PDE4B: variants seen among roughly 807,000 people sequenced by gnomAD.
PDE4B encodes 3',5'-cyclic-AMP phosphodiesterase 4B.
Under a neutral mutation model 82.2 loss-of-function variants are expected in PDE4B, and 20 were observed. That is an observed-to-expected ratio of 0.24 (90% CI 0.17 to 0.35). The LOEUF is 0.35. Ranked by LOEUF, PDE4B falls within the 10% of genes least tolerant of loss-of-function variation. The pLI, the probability that PDE4B is intolerant of heterozygous loss-of-function variation, is 1.00. For missense variants in PDE4B, 655 were observed against 907.2 expected, an observed-to-expected ratio of 0.72 and a Z score of 3.57; for synonymous variants, 320 against 318.9, an observed-to-expected ratio of 1.00 and a Z score of -0.04.
At chr1:66,305,796 TTAAG>T (rs1401108955) in intron 7 of PDE4B, among the ~76,000 whole-genome samples, 1 of 152,174 alleles carries the variant, frequency 6.6e-6, no homozygotes, top group Non-Finnish European at 1.5e-5. Flanking sequence ...AAGTTCAATA[TTAAG>T]TAATTAATTT....
In PDE4B at chr1:66,326,940, C is replaced by G. The variant is rs150186766; in HGVS notation, c.635-5568C>G. Among the ~76,000 whole-genome samples, 184 of 152,244 alleles carry G rather than the reference C, an allele frequency of 1.2e-3. 1 individual carries two copies. In the East Asian group the frequency reaches 0.029, roughly 24 times the overall value. On this transcript the variant is annotated intron_variant, in intron 7 of 16. Transcript: ENST00000341517. ...ATAAAGGGCCCCTGTGCCTACTTTT[C>G]CAAGAGATCAGTGTAGTCATAAGAT...
intron 3 of PDE4B, among the ~76,000 whole-genome samples, chr1:66,243,959 A>C (rs1474221398): frequency 6.6e-6 from 1 of 152,234 alleles, no homozygotes; most frequent in East Asian, 1.9e-4. Flanking sequence ...GGCAGGTATA[A>C]GTCACAATCA....
intron 3 of PDE4B, among the ~76,000 whole-genome samples, chr1:66,048,538 C>T (rs894459421): frequency 6.6e-6 from 1 of 151,930 alleles, no homozygotes; most frequent in African/African-American, 2.4e-5. Context: ...ACATGATTTA[C>T]ACTACAAAGA....
rs192699191 is a variant in PDE4B at position 65,934,127 on chromosome 1, A to C, written c.281+15292A>C. 2.6e-4 allele frequency among the ~76,000 whole-genome samples: 39 copies of C among 152,274 alleles called. No homozygotes were observed. In the East Asian group the frequency reaches 6.6e-3, roughly 26 times the overall value. On this transcript the variant is annotated intron_variant, in intron 3 of 16. Transcript: ENST00000341517. ...ATACCTATAGAAGATACAAAAAAGGAAAAGAGAAAGAAATCAAAGTATATC... is the reference window on the plus strand; with the variant it reads ...ATACCTATAGAAGATACAAAAAAGGCAAAGAGAAAGAAATCAAAGTATATC...
chr1:66,273,699 A>G (rs761237665), intron 7 of PDE4B, among the ~76,000 whole-genome samples: 2 of 152,232 alleles, frequency 1.3e-5, no homozygotes, highest in African/African-American at 4.8e-5. Context: ...TATATCCTCA[A>G]TTTATAACAT....
chr1:66,187,547 C>T lies in PDE4B; in HGVS notation c.282-59913C>T, dbSNP rs551759318. ...GTCTATTCAAAGATTTAACTTCTTC[C>T]TGGTTTAGTCTTGGGAGGGCATATG... On this transcript the variant is annotated intron_variant, in intron 3 of 16. Transcript: ENST00000341517. Among the ~76,000 whole-genome samples the T allele has an allele frequency of 9.8e-5, 15 of 152,322 alleles. No homozygotes were observed. In the South Asian group the frequency reaches 2.9e-3, roughly 29 times the overall value.
intron 3 of PDE4B, among the ~76,000 whole-genome samples, chr1:65,954,271 A>C (rs1033982257): frequency 3.9e-5 from 6 of 152,116 alleles, no homozygotes; most frequent in African/African-American, 1.2e-4. Flanking sequence ...TATATGGTTC[A>C]GAGAACTTGT....
intron 3 of PDE4B, among the ~76,000 whole-genome samples, chr1:65,941,582 A>G (rs1014686352): frequency 4.6e-5 from 7 of 152,038 alleles, no homozygotes; most frequent in African/African-American, 1.7e-4. Context: ...TGGGGGAGGC[A>G]GACAGTGACC....
At chr1:66,244,108 A>G (rs1344448302) in intron 3 of PDE4B, among the ~76,000 whole-genome samples, 1 of 152,240 alleles carries the variant, frequency 6.6e-6, no homozygotes, top group Admixed American at 6.5e-5. Context: ...TGAAGAGTGA[A>G]AGTAGAGAAA....
chr1:65,921,339 A>C (rs1289712480), intron 3 of PDE4B, among the ~76,000 whole-genome samples: 2 of 152,132 alleles, frequency 1.3e-5, no homozygotes, highest in Admixed American at 6.5e-5. Flanking sequence ...GACTGGTGGA[A>C]TTATTGGTGA....
At chr1:66,105,385 C>G (rs1454654461) in intron 3 of PDE4B, among the ~76,000 whole-genome samples, 3 of 151,902 alleles carry the variant, frequency 2.0e-5, no homozygotes, top group Non-Finnish European at 4.4e-5. Flanking sequence ...ATGCCTCCAG[C>G]TTTGTTCTTT....
intron 3 of PDE4B, among the ~76,000 whole-genome samples, chr1:66,053,838 G>A (rs1163803406): frequency 6.6e-6 from 1 of 152,088 alleles, no homozygotes; most frequent in Non-Finnish European, 1.5e-5. Flanking sequence ...CAGCCTGGGT[G>A]ACAAGAAAGA....
At chr1:65,798,104 G>A (rs1463388605) in intron 1 of PDE4B, among the ~76,000 whole-genome samples, 1 of 151,984 alleles carries the variant, frequency 6.6e-6, no homozygotes, top group African/African-American at 2.4e-5. Context: ...TCCAACCTCT[G>A]CCTCTCGGGT....
At chr1:66,223,530 C>A (rs1180368840) in intron 3 of PDE4B, among the ~76,000 whole-genome samples, 1 of 152,178 alleles carries the variant, frequency 6.6e-6, no homozygotes, top group East Asian at 1.9e-4. Flanking sequence ...TCTTCCCTAA[C>A]CTTTCCACAG....
chr1:66,245,955 A>G lies in PDE4B; in HGVS notation c.282-1505A>G, dbSNP rs1653281949. The stretch of plus-strand genomic sequence containing the variant: ...TTTGCTGCCTCCCCGTTTTCATTCA[A>G]GAGAGCAGCCAAGGTTGCTTATAGT... On this transcript the variant is annotated intron_variant, in intron 3 of 16. Transcript: ENST00000341517. 2.0e-5 allele frequency among the ~76,000 whole-genome samples: 3 copies of G among 152,178 alleles called. 1 individual carries two copies. In the South Asian group the frequency reaches 6.2e-4, roughly 32 times the overall value.
At chr1:66,111,559 C>T (rs1000183719) in intron 3 of PDE4B, among the ~76,000 whole-genome samples, 1 of 152,096 alleles carries the variant, frequency 6.6e-6, no homozygotes, top group African/African-American at 2.4e-5. Flanking sequence ...GGCATAGTAT[C>T]TTCAAGCTTC....
chr1:66,110,411 A>G (rs1039382341), intron 3 of PDE4B, among the ~76,000 whole-genome samples: 3 of 151,990 alleles, frequency 2.0e-5, no homozygotes, highest in African/African-American at 7.2e-5. Flanking sequence ...AGAAAGTGAA[A>G]AAGGTCAATG....
intron 7 of PDE4B, among the ~76,000 whole-genome samples, chr1:66,322,613 C>A (rs764514602): frequency 1.3e-5 from 2 of 151,974 alleles, no homozygotes; most frequent in African/African-American, 2.4e-5. Context: ...CAATGAGATA[C>A]CATCTCACGC....
Position 66,355,551 on chromosome 1 carries a change from C to T in PDE4B, c.772C>T (p.Leu258=), listed in dbSNP as rs145203756. Residue 258 remains leucine, a synonymous_variant, in exon 9 of 17, where the codon CTG becomes TTG. Coordinates refer to ENST00000341517, the MANE Select transcript of PDE4B (RefSeq NM_002600.4). ...GTTCAAAAGAATGCTGAACCGGGAG[C>T]TGACACACCTCTCAGAGATGAGCCG... ...NKFKRMLNRE[L]THLSEMSRSG... is the part of the protein sequence containing the mutation. 353 of 1,611,932 alleles carry T rather than the reference C, an allele frequency of 2.2e-4. No homozygotes were observed. The African/African-American group carries it at 2.4e-3, about 11-fold the overall frequency.
Sources: gnomAD v4.1 joint callset for allele counts (sites outside exome capture counted in the v4.1 genomes callset) on GRCh38, gnomAD v4.1.1 for gene constraint, MANE v1.5 for transcripts, NCBI Gene and HGNC (gene_info 2026-07-23, HGNC 2026-07-21) for gene names.